DNAJC1: variants seen among roughly 807,000 people sequenced by gnomAD.
The protein encoded by DNAJC1 is dnaJ homolog subfamily C member 1.
DNAJC1 carries 58 observed loss-of-function variants against 76.6 expected under a neutral mutation model. That is an observed-to-expected ratio of 0.76 (90% CI 0.61 to 0.94). The LOEUF (loss-of-function observed/expected upper bound fraction) is 0.94, where lower values mean the gene tolerates loss of function less well. Ranked by LOEUF, DNAJC1 falls within the 40% of genes least tolerant of loss-of-function variation. The pLI is 0.00. For missense variants in DNAJC1, 689 were observed against 677.3 expected, an observed-to-expected ratio of 1.02 and a Z score of -0.19; for synonymous variants, 258 against 267.9, an observed-to-expected ratio of 0.96 and a Z score of 0.36.
chr10:21,804,222 T>C (rs994922591), intron 9 of DNAJC1, among the ~76,000 whole-genome samples: 1 of 152,120 alleles, frequency 6.6e-6, no homozygotes, highest in Non-Finnish European at 1.5e-5. Context: ...TTTACTCAGT[T>C]TCCTATCTGC....
intron 6 of DNAJC1, among the ~76,000 whole-genome samples, chr10:21,908,169 T>TAATATATAATATATAAA (rs1461917494): frequency 2.2e-4 from 23 of 104,056 alleles, no homozygotes; most frequent in African/African-American, 9.1e-4. Context: ...TAAAAATATA[T>TAATATATAATATATAAA]AATATATAAT....
chr10:21,768,896 C>T (rs1834335884), intron 9 of DNAJC1, among the ~76,000 whole-genome samples: 1 of 152,184 alleles, frequency 6.6e-6, no homozygotes, highest in Admixed American at 6.5e-5. Context: ...CAATTACTTG[C>T]TTTCATCTTC....
chr10:21,978,577 C>G (rs1838101929), intron 1 of DNAJC1, among the ~76,000 whole-genome samples: 2 of 152,148 alleles, frequency 1.3e-5, no homozygotes, highest in Admixed American at 6.5e-5. Context: ...CCAATACTAT[C>G]AAATTATTTC....
rs1838564780 is a variant in DNAJC1 at position 22,003,594 on chromosome 10, G to A, written c.-160C>T. Reference sequence around the variant, plus strand: ...GGTGGCTGGCCCCAGACAGAGCGCGGAGGCGGCGGGAGCCGGCTGCCGGAC... The same window carrying A: ...GGTGGCTGGCCCCAGACAGAGCGCGAAGGCGGCGGGAGCCGGCTGCCGGAC... On this transcript the variant is annotated 5_prime_UTR_variant, in exon 1 of 12. Coordinates refer to ENST00000376980, the MANE Select transcript of DNAJC1 (RefSeq NM_022365.4). The A allele has an allele frequency of 1.4e-5, 12 of 879,954 alleles. 1 individual carries two copies. In the South Asian group the frequency reaches 3.7e-4, roughly 27 times the overall value. The allele number at this position is 879,954 out of a possible 1,614,324, so 54.5% of individuals were successfully genotyped here.
intron 8 of DNAJC1, among the ~76,000 whole-genome samples, chr10:21,823,984 C>T (rs1362773096): frequency 6.6e-6 from 1 of 152,118 alleles, no homozygotes; most frequent in Non-Finnish European, 1.5e-5. Flanking sequence ...ATAAATGTAT[C>T]AACAGGTAAA....
At chr10:21,782,140 A>G (rs1199298186) in intron 9 of DNAJC1, among the ~76,000 whole-genome samples, 2 of 152,218 alleles carry the variant, frequency 1.3e-5, no homozygotes, top group African/African-American at 4.8e-5. Flanking sequence ...AAATTGATAG[A>G]CCGCTAGCAA....
chr10:21,824,214 TA>T (rs1466931132), intron 8 of DNAJC1, among the ~76,000 whole-genome samples: 1 of 152,226 alleles, frequency 6.6e-6, no homozygotes, highest in African/African-American at 2.4e-5. Flanking sequence ...TCTGAAGGAA[TA>T]CTAAAGCTTC....
chr10:21,908,184 A>AAAAATATATATTATATATAT (rs1412013899), intron 6 of DNAJC1, among the ~76,000 whole-genome samples: 4 of 109,138 alleles, frequency 3.7e-5, no homozygotes, highest in South Asian at 2.3e-4. Context: ...TATAATATAT[A>AAAAATATATATTATATATAT]AAAATATATA....
At chr10:21,911,196 G>T (rs1051758471) in intron 6 of DNAJC1, among the ~76,000 whole-genome samples, 5 of 151,922 alleles carry the variant, frequency 3.3e-5, no homozygotes, top group African/African-American at 1.2e-4. Flanking sequence ...AGAGCTATGA[G>T]GAAGGATACC....
chr10:21,872,073 CT>C (rs546290479), intron 8 of DNAJC1, among the ~76,000 whole-genome samples: 368 of 133,004 alleles, frequency 2.8e-3, no homozygotes, highest in Middle Eastern at 4.1e-3. Flanking sequence ...GTTAAATCAT[CT>C]TTTTTTTTTT....
At chr10:21,837,083 G>A (rs905749997) in intron 8 of DNAJC1, among the ~76,000 whole-genome samples, 23 of 152,230 alleles carry the variant, frequency 1.5e-4, no homozygotes, top group Admixed American at 2.6e-4. Flanking sequence ...ACTGGTATTC[G>A]TATTTTTTTG....
At chr10:21,926,122 T>C (rs1174819314) in intron 3 of DNAJC1, among the ~76,000 whole-genome samples, 1 of 152,180 alleles carries the variant, frequency 6.6e-6, no homozygotes, top group East Asian at 1.9e-4. Context: ...AGGCTAACTT[T>C]TGTATTTTTT....
intron 8 of DNAJC1, among the ~76,000 whole-genome samples, chr10:21,863,059 G>C (rs191712010): frequency 6.6e-6 from 1 of 152,062 alleles, no homozygotes; most frequent in Non-Finnish European, 1.5e-5. Flanking sequence ...TTGAACCCGG[G>C]AGGCGGAGGT....
chr10:21,783,637 C>T (rs1834563836), intron 9 of DNAJC1, among the ~76,000 whole-genome samples: 1 of 152,198 alleles, frequency 6.6e-6, no homozygotes. Flanking sequence ...CATCACACTA[C>T]CTGACTTCAA....
chr10:21,883,473 C>T (rs1330696568), intron 7 of DNAJC1, among the ~76,000 whole-genome samples: 1 of 152,080 alleles, frequency 6.6e-6, no homozygotes, highest in Non-Finnish European at 1.5e-5. Context: ...TAGACAAATT[C>T]CTAGAAGAGA....
At chr10:21,988,401 G>A (rs1351429865) in intron 1 of DNAJC1, among the ~76,000 whole-genome samples, 1 of 152,088 alleles carries the variant, frequency 6.6e-6, no homozygotes, top group African/African-American at 2.4e-5. Flanking sequence ...AAAAATCGAT[G>A]TGCTCCTCAA....
At chr10:21,881,248 CAGCA>C (rs1836270311) in intron 8 of DNAJC1, among the ~76,000 whole-genome samples, 1 of 152,198 alleles carries the variant, frequency 6.6e-6, no homozygotes, top group Non-Finnish European at 1.5e-5. Context: ...TTCTCCATAT[CAGCA>C]ATAAGGTTGT....
chr10:21,855,833 T>C (rs1177297349), intron 8 of DNAJC1, among the ~76,000 whole-genome samples: 1 of 127,310 alleles, frequency 7.9e-6, no homozygotes, highest in Non-Finnish European at 1.6e-5. Flanking sequence ...TGTTAAGACA[T>C]AGGGAAGATG....
At position 21,813,244 on chromosome 10, in the gene DNAJC1, A is replaced by ATATG. The variant is rs1429581567; in HGVS notation, c.979-7146_979-7145insCATA. Among the ~76,000 whole-genome samples the ATATG allele has an allele frequency of 6.8e-4, 84 of 122,874 alleles. 2 individuals carry two copies. Among genetic ancestry groups the ATATG allele is most frequent in the Non-Finnish European group, 1.1e-3 (68 of 63,414 alleles). 80.6% of individuals were successfully genotyped at this position (122,874 alleles called of 152,430 possible). A position where few individuals can be genotyped will look rare whatever the true frequency, so the allele number is the denominator to read the frequency against. ...TCTATATATATATATATATATATAT[A>ATATG]CACATACAGCTTCTGCCTTGCTCTT... On this transcript the variant is annotated intron_variant, in intron 8 of 11. Coordinates refer to ENST00000376980, the MANE Select transcript of DNAJC1 (RefSeq NM_022365.4).
Sources: allele counts gnomAD v4.1 joint callset (sites outside exome capture counted in the v4.1 genomes callset), GRCh38; gene constraint gnomAD v4.1.1; transcripts MANE v1.5; gene names NCBI Gene and HGNC (gene_info 2026-07-23, HGNC 2026-07-21).